The following RBFOX1 variants were observed in gnomAD, a reference collection of about 807,000 sequenced individuals.
The protein encoded by RBFOX1 is RNA binding protein fox-1 homolog 1.
Under a neutral mutation model 57.7 loss-of-function variants are expected in RBFOX1, and 8 were observed. The ratio of observed to expected loss-of-function variants is 0.14; its 90% CI spans 0.08 to 0.25. RBFOX1 has a LOEUF of 0.25. Among genes scored for constraint, RBFOX1 ranks in the 10% least tolerant of loss-of-function variants. The pLI is 1.00. For missense variants in RBFOX1, 611 were observed against 548.5 expected (o/e 1.11, Z -1.14); for synonymous variants, 326 against 222.4 (o/e 1.47, Z -4.15).
At chr16:6,651,633 T>C (rs1021251732) in intron 2 of RBFOX1, among the ~76,000 whole-genome samples, 3 of 152,178 alleles carry the variant, frequency 2.0e-5, no homozygotes, top group Admixed American at 2.0e-4. Flanking sequence ...GCACCTGCTG[T>C]GGAAAACGGT....
At chr16:5,561,255 C>G (rs920060410) in intron 2 of RBFOX1, among the ~76,000 whole-genome samples, 8 of 151,302 alleles carry the variant, frequency 5.3e-5, no homozygotes, top group Non-Finnish European at 1.2e-4. Context: ...ATGGTTAAAA[C>G]CAACTTTCTT....
chr16:7,410,581 G>A (rs1048853414), intron 4 of RBFOX1, among the ~76,000 whole-genome samples: 1 of 152,182 alleles, frequency 6.6e-6, no homozygotes, highest in African/African-American at 2.4e-5. Context: ...GGAGGCTGAG[G>A]CAGCAGAATC....
At chr16:7,028,281 C>T (rs970019092) in intron 3 of RBFOX1, among the ~76,000 whole-genome samples, 1 of 152,100 alleles carries the variant, frequency 6.6e-6, no homozygotes, top group Non-Finnish European at 1.5e-5. Flanking sequence ...ATCAAATTGG[C>T]ACACAGTTCA....
chr16:6,907,043 CAT>C (rs2070188125), intron 3 of RBFOX1, among the ~76,000 whole-genome samples: 2 of 152,018 alleles, frequency 1.3e-5, no homozygotes, highest in Admixed American at 1.3e-4. Context: ...AAATTTAAAA[CAT>C]AATAATTGTT....
At chr16:6,120,221 A>T (rs941999053) in intron 1 of RBFOX1, among the ~76,000 whole-genome samples, 1 of 152,302 alleles carries the variant, frequency 6.6e-6, no homozygotes, top group East Asian at 1.9e-4. Context: ...CTTGACGTAA[A>T]TAGCTGCTAT....
At chr16:5,368,511 A>C (rs1596691594) in intron 1 of RBFOX1, among the ~76,000 whole-genome samples, 1 of 152,314 alleles carries the variant, frequency 6.6e-6, no homozygotes, top group East Asian at 1.9e-4. Flanking sequence ...GGAACTTGAG[A>C]TGAAAGTATG....
intron 14 of RBFOX1, among the ~76,000 whole-genome samples, chr16:7,687,443 C>A (rs887253331): frequency 6.6e-6 from 1 of 152,042 alleles, no homozygotes; most frequent in African/African-American, 2.4e-5. Context: ...AGACTTAGCT[C>A]AGTGCCTGAT....
At chr16:5,703,501 C>A (rs145177732) in intron 3 of RBFOX1, among the ~76,000 whole-genome samples, 1 of 152,112 alleles carries the variant, frequency 6.6e-6, no homozygotes, top group Non-Finnish European at 1.5e-5. Context: ...AGAGCATCCT[C>A]GTATATTCTT....
intron 3 of RBFOX1, among the ~76,000 whole-genome samples, chr16:6,994,335 C>G (rs751156632): frequency 6.6e-6 from 1 of 152,268 alleles, no homozygotes; most frequent in African/African-American, 2.4e-5. Flanking sequence ...TGTCTAGAGT[C>G]TAATGATCTT....
intron 3 of RBFOX1, among the ~76,000 whole-genome samples, chr16:5,752,444 C>G (rs2053243148): frequency 6.6e-6 from 1 of 152,186 alleles, no homozygotes; most frequent in Admixed American, 6.5e-5. Flanking sequence ...ACATTTTGCT[C>G]CAAACATTCA....
intron 4 of RBFOX1, among the ~76,000 whole-genome samples, chr16:5,893,014 G>A (rs1313863652): frequency 6.6e-6 from 1 of 152,194 alleles, no homozygotes; most frequent in African/African-American, 2.4e-5. Context: ...GTGAGGAATA[G>A]GGTAATGGGG....
chr16:7,437,437 A>AG (rs1166625224), intron 4 of RBFOX1, among the ~76,000 whole-genome samples: 2 of 152,104 alleles, frequency 1.3e-5, no homozygotes, highest in Non-Finnish European at 2.9e-5. Flanking sequence ...TAGAGACAAA[A>AG]GGACACTGTT....
chr16:6,883,544 A>G (rs895036945), intron 3 of RBFOX1, among the ~76,000 whole-genome samples: 12 of 152,234 alleles, frequency 7.9e-5, no homozygotes, highest in African/African-American at 2.9e-4. Flanking sequence ...TAAACGGCAC[A>G]CTGCCATATG....
chr16:6,893,174 G>C (rs2065935429), intron 3 of RBFOX1, among the ~76,000 whole-genome samples: 1 of 152,110 alleles, frequency 6.6e-6, no homozygotes, highest in African/African-American at 2.4e-5. Context: ...TCATTTTGCA[G>C]GCAGTGGAGT....
Position 6,612,571 on chromosome 16 carries a change from C to G in RBFOX1, c.-63-42032C>G, listed in dbSNP as rs550074914. ...CCAGATGTTAAAAACATTTGTTTGG[C>G]CCGGGTGTAGTTGGTCACACCTGTA... On this transcript the variant is annotated intron_variant, in intron 2 of 15. Coordinates refer to ENST00000550418, the MANE Select transcript of RBFOX1 (RefSeq NM_018723.4). Among the ~76,000 whole-genome samples the G allele has an allele frequency of 1.7e-3, 264 of 152,130 alleles. 1 individual carries two copies. Among genetic ancestry groups the G allele is most frequent in the Non-Finnish European group, 3.1e-3 (211 of 67,980 alleles).
chr16:7,589,548 C>G (rs927703018), intron 7 of RBFOX1, among the ~76,000 whole-genome samples: 7 of 151,720 alleles, frequency 4.6e-5, no homozygotes, highest in Non-Finnish European at 7.4e-5. Context: ...TAGCCTCTCT[C>G]GGTGGGTATG....
chr16:5,928,316 C>G (rs2058976960), intron 4 of RBFOX1, among the ~76,000 whole-genome samples: 1 of 151,296 alleles, frequency 6.6e-6, no homozygotes, highest in African/African-American at 2.4e-5. Context: ...CTCCTGGCCT[C>G]AAATGATCCT....
rs376108542 is a variant in RBFOX1 at position 5,546,290 on chromosome 16, G to A, written c.259-52612G>A. ...GCAGTCCAAACCAGAATCTCATCTA[G>A]GCTTTTTTGCGGGGTGGAAATTCAC... On this transcript the variant is annotated intron_variant, in intron 2 of 2. Coordinates refer to the RBFOX1 transcript ENST00000585867. Among the ~76,000 whole-genome samples the A allele has an allele frequency of 3.9e-5, 6 of 152,220 alleles. No individual in the cohort carries two copies. The East Asian group carries it at 9.6e-4, about 24-fold the overall frequency.
chr16:6,537,190 G>C (rs940577552), intron 2 of RBFOX1, among the ~76,000 whole-genome samples: 1 of 152,128 alleles, frequency 6.6e-6, no homozygotes, highest in African/African-American at 2.4e-5. Flanking sequence ...TCGTAGGTCT[G>C]GGTGGAGCCT....
Sources: allele counts gnomAD v4.1 joint callset (sites outside exome capture counted in the v4.1 genomes callset), GRCh38; gene constraint gnomAD v4.1.1; transcripts MANE v1.5; gene names NCBI Gene and HGNC (gene_info 2026-07-23, HGNC 2026-07-21).